Variants in KITLG observed in about 807,000 individuals in gnomAD.
KITLG encodes the protein c-Kit ligand.
KITLG carries 13 observed loss-of-function variants against 34.1 expected under a neutral mutation model. That is an observed-to-expected ratio of 0.38 (90% CI 0.25 to 0.61). The LOEUF (loss-of-function observed/expected upper bound fraction) is 0.61. Ranked by LOEUF, KITLG falls within the 20% of genes least tolerant of loss-of-function variation. KITLG has a pLI of 0.60. For synonymous variants in KITLG, 110 were observed against 104.0 expected (o/e 1.06, Z -0.35); for missense variants, 292 against 318.9 (o/e 0.92, Z 0.64).
At chr12:88,537,104 T>C (rs1592573126) in intron 2 of KITLG, among the ~76,000 whole-genome samples, 1 of 152,118 alleles carries the variant, frequency 6.6e-6, no homozygotes, top group African/African-American at 2.4e-5. Context: ...AGAACTACCA[T>C]TCAACCCAGC....
chr12:88,537,367 A>T (rs1870363263), intron 2 of KITLG, among the ~76,000 whole-genome samples: 1 of 152,148 alleles, frequency 6.6e-6, no homozygotes, highest in Non-Finnish European at 1.5e-5. Flanking sequence ...TCAGTGAATT[A>T]ACACAGGAAC....
At chr12:88,519,655 C>T (rs916070593) in intron 3 of KITLG, among the ~76,000 whole-genome samples, 3 of 152,062 alleles carry the variant, frequency 2.0e-5, no homozygotes, top group African/African-American at 4.8e-5. Flanking sequence ...CAGGCTCTCT[C>T]TCTGAGTCCT....
intron 5 of KITLG, 97 bp from the exon 6 acceptor site, chr12:88,515,714 G>T: frequency 1.2e-6 from 1 of 839,920 alleles, no homozygotes; most frequent in Non-Finnish European, 2.0e-6. Context: ...TACTTGCCAG[G>T]TCTGCTTCCC....
intron 6 of KITLG, among the ~76,000 whole-genome samples, chr12:88,512,140 G>A (rs1869299921): frequency 6.6e-6 from 1 of 151,984 alleles, no homozygotes; most frequent in Admixed American, 6.6e-5. Context: ...ATATTTAAGT[G>A]ACAAAAAAGA....
intron 1 of KITLG, among the ~76,000 whole-genome samples, chr12:88,560,333 C>T (rs1008688567): frequency 6.6e-6 from 1 of 152,172 alleles, no homozygotes; most frequent in East Asian, 1.9e-4. Context: ...CTTAAATATT[C>T]TAAAAGCTTT....
At chr12:88,530,507 C>A (rs1870046007) in intron 3 of KITLG, among the ~76,000 whole-genome samples, 2 of 152,150 alleles carry the variant, frequency 1.3e-5, no homozygotes, top group Non-Finnish European at 1.5e-5. Context: ...CCCTGCCTGC[C>A]TTCCCAATTA....
chr12:88,570,707 C>A (rs1014032445), intron 1 of KITLG, among the ~76,000 whole-genome samples: 1 of 152,008 alleles, frequency 6.6e-6, no homozygotes, highest in African/African-American at 2.4e-5. Flanking sequence ...TCATTTTGGG[C>A]AAGTTTTCTT....
At chr12:88,537,669 A>C (rs1870376997) in intron 2 of KITLG, among the ~76,000 whole-genome samples, 1 of 151,962 alleles carries the variant, frequency 6.6e-6, no homozygotes, top group South Asian at 2.1e-4. Context: ...AAATATTCTA[A>C]AATCTGAAAA....
At chr12:88,520,353 A>T (rs1218872999) in intron 3 of KITLG, among the ~76,000 whole-genome samples, 1 of 152,216 alleles carries the variant, frequency 6.6e-6, no homozygotes, top group Non-Finnish European at 1.5e-5. Context: ...TTAGGGAGTG[A>T]TAATTCCTTA....
rs556408150 is a variant in KITLG at position 88,493,352 on chromosome 12, T to A, written c.*3867A>T. 1 of 152,280 alleles carries A rather than the reference T, an allele frequency of 6.6e-6. No homozygotes were observed. The highest frequency in any genetic ancestry group is 2.4e-5 in the African/African-American group (1 of 41,390). The allele number at this position is 152,280 out of a possible 1,614,324, so 9.4% of individuals were successfully genotyped here. ...ATTTCAGGATCACAAATATCCATTT[T>A]AGCATGGATTATTTCTTGAAAAAAA... On this transcript the variant is annotated 3_prime_UTR_variant, in exon 10 of 10. Coordinates refer to ENST00000644744, the MANE Select transcript of KITLG (RefSeq NM_000899.5).
chr12:88,531,439 T>C (rs780894961), intron 3 of KITLG, among the ~76,000 whole-genome samples: 16 of 152,190 alleles, frequency 1.1e-4, no homozygotes, highest in Admixed American at 8.5e-4. Flanking sequence ...TGCACAATGG[T>C]AAGGTTTGAT....
At chr12:88,544,496 T>C in intron 2 of KITLG, among the ~76,000 whole-genome samples, 1 of 134,522 alleles carries the variant, frequency 7.4e-6, no homozygotes, top group Admixed American at 8.7e-5. Context: ...GATCTATTTT[T>C]AAACAGTATG....
chr12:88,543,113 TTTA>T (rs1417219558), intron 2 of KITLG, among the ~76,000 whole-genome samples: 1 of 151,998 alleles, frequency 6.6e-6, no homozygotes, highest in African/African-American at 2.4e-5. Context: ...ACCTGTAATT[TTTA>T]TTATTATTAT....
At chr12:88,514,074 G>A (rs1470897552) in intron 6 of KITLG, among the ~76,000 whole-genome samples, 5 of 151,402 alleles carry the variant, frequency 3.3e-5, no homozygotes, top group African/African-American at 4.8e-5. Context: ...ATCAAACAAC[G>A]CACTTTTATA....
rs184254229 is a variant in KITLG at position 88,576,275 on chromosome 12, T to C, written c.15+3989A>G. ...ACCTTTGTCTTCACATATTCCTGGA[T>C]TGATGTGTCTTAATTATAGTCTATA... On this transcript the variant is annotated intron_variant, in intron 1 of 9. Coordinates refer to ENST00000644744, the MANE Select transcript of KITLG (RefSeq NM_000899.5). Among the ~76,000 whole-genome samples the C allele has an allele frequency of 3.4e-3, 515 of 152,332 alleles. 4 individuals carry two copies. Among genetic ancestry groups the C allele is most frequent in the African/African-American group, 0.012 (497 of 41,576 alleles).
intron 1 of KITLG, among the ~76,000 whole-genome samples, chr12:88,561,164 C>T (rs1871287178): frequency 6.6e-6 from 1 of 152,052 alleles, no homozygotes; most frequent in Non-Finnish European, 1.5e-5. Context: ...TCAGTTTCCT[C>T]ATCTGTAAAT....
At chr12:88,577,587 C>G (rs1312745163) in intron 1 of KITLG, among the ~76,000 whole-genome samples, 1 of 152,062 alleles carries the variant, frequency 6.6e-6, no homozygotes, top group South Asian at 2.1e-4. Flanking sequence ...GCCCAAGCCA[C>G]AAACACCTCT....
chr12:88,506,323 T>A lies in KITLG; in HGVS notation c.770A>T (p.Asp257Val). The stretch of plus-strand genomic sequence containing the variant: ...CAAAACAAAATACCTTATCTCATTA[T>A]CCTCTTCATTAATTTGTATATTTTC... ...AVENIQINEE[D>V]NEISMLQEKE... The change falls in exon 8 of 10, where the codon GAT becomes GTT. Residue 257 changes from aspartate (D) to valine (V), a missense_variant. Around this residue, in one of 2 missense-constraint regions of KITLG, gnomAD observed 140 missense variants for 111.0 expected, o/e 1.26. Transcript: ENST00000644744. 6.2e-7 allele frequency: 1 copy of A among 1,608,242 alleles called. No homozygotes were observed. The highest frequency in any genetic ancestry group is 1.1e-5 in the South Asian group (1 of 90,960).
At chr12:88,509,459 T>C (rs111552527) in intron 6 of KITLG, among the ~76,000 whole-genome samples, 1 of 152,164 alleles carries the variant, frequency 6.6e-6, no homozygotes, top group Admixed American at 6.5e-5. Flanking sequence ...TGGGAGGCCT[T>C]ACTAAAGAAA....
Sources: gnomAD v4.1 joint callset for allele counts (sites outside exome capture counted in the v4.1 genomes callset) on GRCh38, gnomAD v4.1.1 for gene constraint, gnomAD v4.1.1 regional missense constraint, MANE v1.5 for transcripts, NCBI Gene and HGNC (gene_info 2026-07-23, HGNC 2026-07-21) for gene names.